Variants in CAMTA1 observed in about 807,000 individuals in gnomAD.
CAMTA1 encodes calmodulin-binding transcription activator 1.
A neutral mutation model predicts 170.9 loss-of-function variants in CAMTA1; 27 were observed. That is an observed-to-expected ratio of 0.16 (90% confidence interval 0.12 to 0.22). CAMTA1 has a LOEUF of 0.22. CAMTA1 is among the 10% of genes least tolerant of loss of function. The pLI is 1.00. For missense variants in CAMTA1, 1,619 were observed against 2,217.2 expected, an observed-to-expected ratio of 0.73 and a Z score of 5.42; for synonymous variants, 833 against 891.5, an observed-to-expected ratio of 0.93 and a Z score of 1.17.
intron 6 of CAMTA1, among the ~76,000 whole-genome samples, chr1:7,600,551 T>C (rs925101923): frequency 1.3e-5 from 2 of 150,882 alleles, no homozygotes; most frequent in Admixed American, 1.3e-4. Context: ...TTTGGCAGGG[T>C]CACAGGACAA....
chr1:7,051,257 G>A (rs1333784632), intron 3 of CAMTA1, among the ~76,000 whole-genome samples: 1 of 152,184 alleles, frequency 6.6e-6, no homozygotes, highest in Non-Finnish European at 1.5e-5. Context: ...CATTCAGAAC[G>A]CAGTGAGCTG....
chr1:7,518,565 C>T (rs1245725662), intron 6 of CAMTA1, among the ~76,000 whole-genome samples: 4 of 151,974 alleles, frequency 2.6e-5, no homozygotes, highest in Admixed American at 6.5e-5. Flanking sequence ...GTTGTCGGGC[C>T]GCCTTGGGGT....
chr1:7,335,587 C>G (rs560481861), intron 5 of CAMTA1, among the ~76,000 whole-genome samples: 1 of 152,250 alleles, frequency 6.6e-6, no homozygotes, highest in South Asian at 2.1e-4. Flanking sequence ...CCATATACAT[C>G]TCGCTCTGGG....
intron 6 of CAMTA1, among the ~76,000 whole-genome samples, chr1:7,489,525 A>C (rs1262577826): frequency 1.3e-5 from 2 of 152,142 alleles, no homozygotes. Flanking sequence ...CATGCGTGTT[A>C]GGGGTCAGGT....
intron 5 of CAMTA1, among the ~76,000 whole-genome samples, chr1:7,402,298 T>A (rs1408210569): frequency 2.6e-5 from 4 of 152,136 alleles, no homozygotes; most frequent in Non-Finnish European, 4.4e-5. Context: ...TCCTCCCTTG[T>A]TTTGCCTACT....
intron 4 of CAMTA1, among the ~76,000 whole-genome samples, chr1:7,123,627 T>G (rs928377536): frequency 6.6e-5 from 10 of 152,192 alleles, no homozygotes; most frequent in African/African-American, 2.4e-4. Flanking sequence ...GGATAAGCCC[T>G]GGGCACCCAG....
chr1:7,768,271 A>G lies in CAMTA1; in HGVS notation c.*1780A>G, dbSNP rs1319150044. On this transcript the variant is annotated 3_prime_UTR_variant, in exon 23 of 23. Transcript: ENST00000303635. ...TGGTCTTTTAGAGACGGCATGGTATATTACTATTTCCACATAATGAGGAGC... is the reference window on the plus strand; with the variant it reads ...TGGTCTTTTAGAGACGGCATGGTATGTTACTATTTCCACATAATGAGGAGC... The G allele has an allele frequency of 6.5e-6, 1 of 152,694 alleles. No homozygotes were observed. Among genetic ancestry groups the G allele is most frequent in the Non-Finnish European group, 1.5e-5 (1 of 68,030 alleles). 9.5% of individuals were successfully genotyped at this position (152,694 alleles called of 1,614,324 possible).
chr1:6,918,457 ATTGGAATAGAATG>A lies in CAMTA1; in HGVS notation c.234+93251_234+93263del, dbSNP rs1327307420. Among the ~76,000 whole-genome samples the A allele has an allele frequency of 1.3e-5, 2 of 152,218 alleles. No individual in the cohort carries two copies. The highest frequency in any genetic ancestry group is 4.8e-5 in the African/African-American group (2 of 41,460). On this transcript the variant is annotated intron_variant, in intron 3 of 22. Transcript: ENST00000303635. The surrounding 1 kb of genome is among the most constrained non-coding windows in gnomAD (Gnocchi z 4.0). ...AATCATTGGCAGTAATAGAAAAGTC[ATTGGAATAGAATG>A]TTGTCACAGATAAATGTCTCCCAAT... is the stretch of plus-strand genomic sequence containing the variant.
chr1:7,374,069 C>T (rs1014316622), intron 5 of CAMTA1, among the ~76,000 whole-genome samples: 18 of 152,242 alleles, frequency 1.2e-4, no homozygotes, highest in African/African-American at 4.3e-4. Flanking sequence ...CCCCGCCTCA[C>T]TGGCAACCAC....
chr1:7,027,186 C>T (rs1046038792), intron 3 of CAMTA1, among the ~76,000 whole-genome samples: 2 of 152,000 alleles, frequency 1.3e-5, no homozygotes, highest in African/African-American at 4.8e-5. Flanking sequence ...ATCTTTCTCG[C>T]CTCTGGAGAT....
intron 3 of CAMTA1, among the ~76,000 whole-genome samples, chr1:7,089,757 T>C (rs1011106302): frequency 6.6e-6 from 1 of 152,158 alleles, no homozygotes; most frequent in African/African-American, 2.4e-5. Flanking sequence ...TGATAAATCC[T>C]GCCAACTGGG....
At chr1:7,058,898 C>CTT (rs1707792055) in intron 3 of CAMTA1, among the ~76,000 whole-genome samples, 1 of 151,518 alleles carries the variant, frequency 6.6e-6, no homozygotes, top group Admixed American at 6.6e-5. Flanking sequence ...CACACACACT[C>CTT]TCTCTCTCTT....
At chr1:6,941,087 G>A (rs902287120) in intron 3 of CAMTA1, among the ~76,000 whole-genome samples, 1 of 152,026 alleles carries the variant, frequency 6.6e-6, no homozygotes, top group Non-Finnish European at 1.5e-5. Flanking sequence ...ACATGGCCTG[G>A]AAGTGCAGAG....
chr1:7,480,844 G>T (rs908045387), intron 6 of CAMTA1, among the ~76,000 whole-genome samples: 2 of 152,114 alleles, frequency 1.3e-5, no homozygotes, highest in African/African-American at 4.8e-5. Context: ...TCTATGTCCT[G>T]CCTCACTGCT....
rs369111490 is a variant in CAMTA1 at position 7,432,621 on chromosome 1, G to A, written c.439-35209G>A. On this transcript the variant is annotated intron_variant, in intron 5 of 22. Coordinates refer to ENST00000303635, the MANE Select transcript of CAMTA1 (RefSeq NM_015215.4). ...CAGGGCCAGTGCTCTGCCTCCGTCC[G>A]GGCCTCAGCCCACCTCTGGTGCTGG... Among the ~76,000 whole-genome samples the A allele has an allele frequency of 6.4e-3, 981 of 152,266 alleles. 9 individuals are homozygous for A. The highest frequency in any genetic ancestry group is 0.022 in the African/African-American group (898 of 41,554).
chr1:7,345,378 CTGGAGT>C (rs147404720), intron 5 of CAMTA1, among the ~76,000 whole-genome samples: 3,196 of 152,304 alleles, frequency 0.021, 96 homozygotes, highest in African/African-American at 0.072. Context: ...CTGGATCTAT[CTGGAGT>C]TGATTTCATC....
At chr1:7,460,485 C>T (rs1054040952) in intron 5 of CAMTA1, among the ~76,000 whole-genome samples, 1 of 152,136 alleles carries the variant, frequency 6.6e-6, no homozygotes, top group African/African-American at 2.4e-5. Flanking sequence ...AGGCACAGAG[C>T]AGACAGCAGT....
intron 6 of CAMTA1, among the ~76,000 whole-genome samples, chr1:7,485,239 C>T (rs994666539): frequency 2.6e-5 from 4 of 152,166 alleles, no homozygotes; most frequent in African/African-American, 9.7e-5. Flanking sequence ...TACATAGCTG[C>T]AGTTGCCAGT....
chr1:7,488,607 A>G (rs926644840), intron 6 of CAMTA1, among the ~76,000 whole-genome samples: 1 of 152,170 alleles, frequency 6.6e-6, no homozygotes, highest in South Asian at 2.1e-4. Context: ...TGCATGATAC[A>G]TGTAACACAT....
Sources: allele counts gnomAD v4.1 joint callset (sites outside exome capture counted in the v4.1 genomes callset), GRCh38; gene constraint gnomAD v4.1.1; non-coding constraint Gnocchi (gnomAD v3.1); transcripts MANE v1.5; gene names NCBI Gene and HGNC (gene_info 2026-07-23, HGNC 2026-07-21).